The following MAGI2 variants were observed in gnomAD, a reference collection of about 807,000 sequenced individuals.
MAGI2 encodes membrane-associated guanylate kinase, WW and PDZ domain-containing protein 2.
A neutral mutation model predicts 133.3 loss-of-function variants in MAGI2; 35 were observed. That is an observed-to-expected ratio of 0.26 (90% confidence interval 0.20 to 0.35). The LOEUF is 0.35. MAGI2 is among the 10% of genes least tolerant of loss of function. MAGI2 has a pLI of 1.00. For missense variants in MAGI2, 1,636 were observed against 1,863.4 expected, an observed-to-expected ratio of 0.88 and a Z score of 2.25; for synonymous variants, 729 against 710.6, an observed-to-expected ratio of 1.03 and a Z score of -0.41.
chr7:79,115,199 G>T (rs1484361700), intron 1 of MAGI2, among the ~76,000 whole-genome samples: 1 of 152,086 alleles, frequency 6.6e-6, no homozygotes, highest in Non-Finnish European at 1.5e-5. Flanking sequence ...TACCTTAAGA[G>T]AAAACCTTAG....
intron 6 of MAGI2, chr7:78,484,551 A>C (rs1003423107): frequency 6.6e-5 from 10 of 151,852 alleles, no homozygotes; most frequent in Admixed American, 1.3e-4. Flanking sequence ...GAAGGGGGAA[A>C]CCCCCCAGTG....
chr7:78,296,120 A>T (rs1418895581), intron 9 of MAGI2, among the ~76,000 whole-genome samples: 2 of 152,168 alleles, frequency 1.3e-5, no homozygotes, highest in Non-Finnish European at 2.9e-5. Flanking sequence ...CAGAGAGTCC[A>T]TTGTCAATCA....
intron 6 of MAGI2, among the ~76,000 whole-genome samples, chr7:78,460,611 T>C (rs1283210940): frequency 2.6e-5 from 4 of 152,194 alleles, no homozygotes; most frequent in Non-Finnish European, 5.9e-5. Flanking sequence ...AAGGAATCTT[T>C]GAATGGCCAA....
chr7:78,056,664 G>A (rs909101971), intron 21 of MAGI2, among the ~76,000 whole-genome samples: 1 of 152,034 alleles, frequency 6.6e-6, no homozygotes, highest in African/African-American at 2.4e-5. Flanking sequence ...ACTGGGGCCT[G>A]TCAGGGCTTG....
At chr7:78,811,891 G>T (rs1789095055) in intron 2 of MAGI2, among the ~76,000 whole-genome samples, 1 of 152,228 alleles carries the variant, frequency 6.6e-6, no homozygotes, top group African/African-American at 2.4e-5. Flanking sequence ...TTAAACTAAA[G>T]ATGCTGGGAT....
intron 20 of MAGI2, among the ~76,000 whole-genome samples, chr7:78,100,061 C>T (rs1818068452): frequency 1.3e-5 from 2 of 152,168 alleles, no homozygotes; most frequent in African/African-American, 4.8e-5. Context: ...CTCTAATTCA[C>T]CTTCATGTGG....
intron 2 of MAGI2, among the ~76,000 whole-genome samples, chr7:78,957,171 A>G (rs1431886538): frequency 2.0e-5 from 3 of 150,974 alleles, no homozygotes; most frequent in Non-Finnish European, 4.4e-5. Context: ...ATGCTGAGAC[A>G]GAAGAATTGC....
At chr7:78,840,342 C>G (rs1377142453) in intron 2 of MAGI2, among the ~76,000 whole-genome samples, 2 of 152,022 alleles carry the variant, frequency 1.3e-5, no homozygotes, top group Non-Finnish European at 2.9e-5. Context: ...TGAGTATGAT[C>G]AAGCCATGTA....
At chr7:78,070,354 A>G (rs1354499901) in intron 21 of MAGI2, among the ~76,000 whole-genome samples, 2 of 149,354 alleles carry the variant, frequency 1.3e-5, no homozygotes, top group African/African-American at 4.9e-5. Context: ...GAATGTCAGA[A>G]GCTGAAATTA....
At position 78,572,692 on chromosome 7, in the gene MAGI2, C is replaced by T. The variant is rs537292846; in HGVS notation, c.539-51047G>A. 2.0e-4 allele frequency among the ~76,000 whole-genome samples: 31 copies of T among 151,948 alleles called. No individual in the cohort carries two copies. In the East Asian group the frequency reaches 3.3e-3, roughly 16 times the overall value. ...TTTATTTATTTTTGAGACAGAGTTT[C>T]GCTCTTGTTGCCCAGGCTGGAGTGC... On this transcript the variant is annotated intron_variant, in intron 3 of 21. Transcript: ENST00000354212.
intron 1 of MAGI2, among the ~76,000 whole-genome samples, chr7:79,342,645 T>A (rs1395225574): frequency 6.6e-6 from 1 of 152,216 alleles, no homozygotes; most frequent in Admixed American, 6.5e-5. Flanking sequence ...ACATATTATT[T>A]TGCTTTTCTT....
intron 3 of MAGI2, among the ~76,000 whole-genome samples, chr7:78,580,825 T>C (rs2150808648): frequency 6.6e-6 from 1 of 152,332 alleles, no homozygotes; most frequent in Middle Eastern, 3.4e-3. Flanking sequence ...TGAAATTATT[T>C]TTAAACAAAA....
chr7:78,144,620 A>G (rs770203596), intron 16 of MAGI2, among the ~76,000 whole-genome samples: 4 of 152,066 alleles, frequency 2.6e-5, no homozygotes, highest in African/African-American at 4.8e-5. Flanking sequence ...AAAATCATCA[A>G]TTTAATTTAT....
At chr7:79,426,802 C>A (rs993014851) in intron 1 of MAGI2, among the ~76,000 whole-genome samples, 2 of 152,132 alleles carry the variant, frequency 1.3e-5, no homozygotes, top group East Asian at 3.9e-4. Context: ...TGAGTGATAT[C>A]TTGAGCTGCA....
chr7:79,348,169 A>G (rs763161173), intron 1 of MAGI2, among the ~76,000 whole-genome samples: 23 of 151,884 alleles, frequency 1.5e-4, no homozygotes, highest in Non-Finnish European at 3.2e-4. Context: ...GAGATAATGA[A>G]TTTTCCAGAA....
chr7:78,972,413 T>A (rs535084245), intron 2 of MAGI2, among the ~76,000 whole-genome samples: 61 of 152,042 alleles, frequency 4.0e-4, no homozygotes, highest in Non-Finnish European at 7.2e-4. Flanking sequence ...TTCTTAAATA[T>A]CCTTTTATTT....
chr7:79,239,336 C>A (rs1349117537), intron 1 of MAGI2, among the ~76,000 whole-genome samples: 1 of 152,058 alleles, frequency 6.6e-6, no homozygotes, highest in Non-Finnish European at 1.5e-5. Flanking sequence ...TAAGACTCGA[C>A]CTCATAGTTC....
At chr7:79,130,591 CACAAT>C (rs1820846343) in intron 1 of MAGI2, among the ~76,000 whole-genome samples, 1 of 152,168 alleles carries the variant, frequency 6.6e-6, no homozygotes, top group African/African-American at 2.4e-5. Flanking sequence ...TACTTCATCT[CACAAT>C]ACATCAGTCT....
intron 2 of MAGI2, among the ~76,000 whole-genome samples, chr7:78,675,764 A>G (rs1189908245): frequency 6.6e-6 from 1 of 152,156 alleles, no homozygotes; most frequent in Non-Finnish European, 1.5e-5. Context: ...GTTGTAAACA[A>G]TCCTGTTTTG....
Sources: allele counts gnomAD v4.1 joint callset (sites outside exome capture counted in the v4.1 genomes callset), GRCh38; gene constraint gnomAD v4.1.1; transcripts MANE v1.5; gene names NCBI Gene and HGNC (gene_info 2026-07-23, HGNC 2026-07-21).